NLN: variants seen among roughly 807,000 people sequenced by gnomAD.
The protein encoded by NLN is neurolysin.
Under a neutral mutation model 79.9 loss-of-function variants are expected in NLN, and 64 were observed. That is an observed-to-expected ratio of 0.80 (90% CI 0.65 to 0.99). The LOEUF is 0.99. Among genes scored for constraint, NLN ranks in the 50% least tolerant of loss-of-function variants. The pLI is 0.00. For missense variants in NLN, 835 were observed against 858.7 expected, an observed-to-expected ratio of 0.97 and a Z score of 0.34; for synonymous variants, 267 against 296.6, an observed-to-expected ratio of 0.90 and a Z score of 1.02.
At chr5:65,722,531 G>A in intron 1 of NLN, 117 bp downstream of exon 1, 16 of 938,276 alleles carry the variant, frequency 1.7e-5, no homozygotes, top group Non-Finnish European at 2.5e-5. Context: ...CTCCCGGGAC[G>A]CACCCTCCCC....
At chr5:65,773,692 C>T (rs1759619425) in intron 3 of NLN, among the ~76,000 whole-genome samples, 1 of 152,122 alleles carries the variant, frequency 6.6e-6, no homozygotes, top group African/African-American at 2.4e-5. Context: ...TCTGTAATCC[C>T]AGCAGGTTGG....
In NLN at chr5:65,742,850, C is replaced by G. The variant is rs6887743; in HGVS notation, c.42-15717C>G. On this transcript the variant is annotated intron_variant, in intron 1 of 12. Coordinates refer to ENST00000380985, the MANE Select transcript of NLN (RefSeq NM_020726.5). ...ACATAATTACTTTTCTTCAACAACTCTGTTGTTGTTTTAGCATCTTCTTTT... is the reference window on the plus strand; with the variant it reads ...ACATAATTACTTTTCTTCAACAACTGTGTTGTTGTTTTAGCATCTTCTTTT... Among the ~76,000 whole-genome samples, 833 of 152,288 alleles carry G rather than the reference C, an allele frequency of 5.5e-3. 10 individuals are homozygous for G. The highest frequency in any genetic ancestry group is 0.019 in the African/African-American group (796 of 41,570).
rs1219001397 is a variant in NLN at position 65,762,974 on chromosome 5, C to A, written c.316C>A (p.Leu106Ile). The change falls in exon 3 of 13, where the codon CTA (leucine) becomes ATA (isoleucine). Residue 106 changes from leucine to isoleucine, a missense_variant. Transcript: ENST00000380985. ...EVKYIVERTM[L>I]DFPQHVSSDK... ...TCCATCTGCAGTGGAAAGGACCATG[C>A]TAGACTTTCCCCAGCATGTATCCTC... is the stretch of plus-strand genomic sequence containing the variant. 1.2e-6 allele frequency: 2 copies of A among 1,613,684 alleles called. No homozygotes were observed. Among genetic ancestry groups the A allele is most frequent in the Admixed American group, 1.7e-5 (1 of 59,988 alleles).
chr5:65,774,329 A>C (rs1012097422), intron 3 of NLN, among the ~76,000 whole-genome samples: 10 of 152,156 alleles, frequency 6.6e-5, no homozygotes, highest in African/African-American at 1.7e-4. Flanking sequence ...TTAGCCTTCT[A>C]CTCTATAAGC....
At chr5:65,782,319 G>A (rs969312998) in intron 6 of NLN, among the ~76,000 whole-genome samples, 1 of 152,010 alleles carries the variant, frequency 6.6e-6, no homozygotes, top group Non-Finnish European at 1.5e-5. Context: ...GTTGCTTTAG[G>A]GATCAAATAA....
intron 9 of NLN, 162 bp downstream of exon 9, chr5:65,792,817 C>T (rs1269917334): frequency 1.5e-6 from 1 of 688,378 alleles, no homozygotes; most frequent in Admixed American, 2.0e-5. Context: ...ATCCTGTCCT[C>T]TTTCACAACA....
intron 1 of NLN, among the ~76,000 whole-genome samples, chr5:65,728,355 C>A (rs986507477): frequency 6.6e-6 from 1 of 151,964 alleles, no homozygotes; most frequent in Non-Finnish European, 1.5e-5. Flanking sequence ...GATTAATATA[C>A]GCCTTTAGAA....
chr5:65,806,672 A>G (rs1357383318), intron 9 of NLN, among the ~76,000 whole-genome samples: 1 of 152,222 alleles, frequency 6.6e-6, no homozygotes, highest in Admixed American at 6.5e-5. Flanking sequence ...TGCTATGAAT[A>G]TCGTTGAAAT....
intron 8 of NLN, among the ~76,000 whole-genome samples, chr5:65,790,994 G>A (rs1035315591): frequency 6.6e-6 from 1 of 152,218 alleles, no homozygotes; most frequent in African/African-American, 2.4e-5. Context: ...GTAACAGAGA[G>A]TAATCTTTGT....
chr5:65,803,620 C>T (rs1760342071), intron 9 of NLN, among the ~76,000 whole-genome samples: 1 of 151,722 alleles, frequency 6.6e-6, no homozygotes, highest in Non-Finnish European at 1.5e-5. Flanking sequence ...TTCTTCCAGC[C>T]CCTAAGAGTA....
At chr5:65,810,451 C>G (rs1181636256) in intron 11 of NLN, among the ~76,000 whole-genome samples, 1 of 152,230 alleles carries the variant, frequency 6.6e-6, no homozygotes, top group Non-Finnish European at 1.5e-5. Flanking sequence ...AGCACACTCT[C>G]AGCTCCTCCC....
intron 5 of NLN, 23 bp from the exon 6 acceptor site, chr5:65,781,238 T>C (rs1367352417): frequency 5.1e-6 from 8 of 1,569,332 alleles, no homozygotes; most frequent in Admixed American, 1.8e-5. Flanking sequence ...AAATTTGATA[T>C]ATGAGAAAAT....
intron 1 of NLN, among the ~76,000 whole-genome samples, chr5:65,757,062 A>G (rs927520224): frequency 1.3e-5 from 2 of 152,106 alleles, no homozygotes; most frequent in Non-Finnish European, 2.9e-5. Flanking sequence ...GTATAATTGC[A>G]TATTTATCCA....
chr5:65,768,976 C>A lies in NLN; in HGVS notation c.450+5868C>A, dbSNP rs777118080. ...GCACAGTTCAGTCCATAGCGCAGAG[C>A]GTCTCCATGTGGTTCATTTGTGTGG... is the stretch of plus-strand genomic sequence containing the variant. On this transcript the variant is annotated intron_variant, in intron 3 of 12. Coordinates refer to ENST00000380985, the MANE Select transcript of NLN (RefSeq NM_020726.5). 3.2e-4 allele frequency among the ~76,000 whole-genome samples: 48 copies of A among 152,240 alleles called. 1 individual carries two copies. The highest frequency in any genetic ancestry group is 4.7e-4 in the Non-Finnish European group (32 of 68,034).
intron 3 of NLN, among the ~76,000 whole-genome samples, chr5:65,771,846 G>A (rs928881952): frequency 5.3e-5 from 8 of 150,898 alleles, no homozygotes; most frequent in East Asian, 1.9e-4. Context: ...GCAAAACCCC[G>A]TCTCTACCAA....
At chr5:65,777,715 T>C (rs1759709291) in intron 4 of NLN, among the ~76,000 whole-genome samples, 181 bp downstream of exon 4, 1 of 152,160 alleles carries the variant, frequency 6.6e-6, no homozygotes, top group Non-Finnish European at 1.5e-5. Context: ...TTAGGCGTGC[T>C]CTACTGGTAA....
At chr5:65,746,936 G>A (rs545198032) in intron 1 of NLN, among the ~76,000 whole-genome samples, 129 of 151,890 alleles carry the variant, frequency 8.5e-4, no homozygotes, top group South Asian at 8.3e-3. Context: ...CCCAAGAGGC[G>A]GAGCTTGCAG....
At chr5:65,762,430 A>G (rs1759358753) in intron 2 of NLN, among the ~76,000 whole-genome samples, 1 of 152,102 alleles carries the variant, frequency 6.6e-6, no homozygotes, top group African/African-American at 2.4e-5. Context: ...CATGCCTGTA[A>G]TCCTAATACT....
At chr5:65,810,555 T>A (rs1760522872) in intron 11 of NLN, among the ~76,000 whole-genome samples, 1 of 152,252 alleles carries the variant, frequency 6.6e-6, no homozygotes, top group African/African-American at 2.4e-5. Flanking sequence ...TATAGTATTT[T>A]GTTTATTTTT....
Sources: gnomAD v4.1 joint callset for allele counts (sites outside exome capture counted in the v4.1 genomes callset) on GRCh38, gnomAD v4.1.1 for gene constraint, MANE v1.5 for transcripts, NCBI Gene and HGNC (gene_info 2026-07-23, HGNC 2026-07-21) for gene names.